The following SCYL1 variants were observed in gnomAD, a reference collection of about 807,000 sequenced individuals.
SCYL1 encodes the protein SCY1 like pseudokinase 1, also known as N-terminal kinase-like protein.
SCYL1 carries 85 observed loss-of-function variants against 94.8 expected under a neutral mutation model. The observed-to-expected ratio is 0.90, with a 90% CI of 0.75 to 1.07. The LOEUF is 1.07. Among genes scored for constraint, SCYL1 ranks in the 50% least tolerant of loss-of-function variants. SCYL1 has a pLI of 0.00. For missense variants in SCYL1, 968 were observed against 1,083.3 expected (o/e 0.89, Z 1.49); for synonymous variants, 459 against 435.5 (o/e 1.05, Z -0.67).
chr11:65,532,426 GAAAAAA>G (rs398016427), intron 8 of SCYL1, among the ~76,000 whole-genome samples: 5 of 104,202 alleles, frequency 4.8e-5, no homozygotes, highest in Non-Finnish European at 8.1e-5. Flanking sequence ...CTCTGTCTCA[GAAAAAA>G]AAAAAAAAAA....
intron 6 of SCYL1, among the ~76,000 whole-genome samples, chr11:65,529,640 G>A (rs1480326679): frequency 1.3e-5 from 2 of 152,214 alleles, no homozygotes; most frequent in Non-Finnish European, 2.9e-5. Context: ...GCCAAGCCGC[G>A]GCTATGGGGG....
rs761069441 is a variant in SCYL1, at chr11:65,536,315, G to A, written c.1632G>A (p.Pro544=). 2.4e-5 allele frequency: 38 copies of A among 1,613,968 alleles called. No individual in the cohort carries two copies. Among genetic ancestry groups the A allele is most frequent in the Admixed American group, 3.3e-5 (2 of 60,002 alleles). ...AATTGGAGTCTGTGTCGGAGGACCC[G>A]ACCCAGCTGGAGGAAGTGGGTGAGT... ...LSKLESVSED[P]TQLEEVEKDV... The change falls in exon 12 of 18, where the codon CCG becomes CCA. Residue 544 remains proline, a synonymous_variant. Coordinates refer to ENST00000270176, the MANE Select transcript of SCYL1 (RefSeq NM_020680.4).
intron 7 of SCYL1, among the ~76,000 whole-genome samples, chr11:65,531,313 A>C (rs902316238): frequency 1.7e-4 from 26 of 152,148 alleles, no homozygotes; most frequent in Non-Finnish European, 8.8e-5. Flanking sequence ...TGCAGGCAGA[A>C]TTTCTGCATA....
At position 65,535,936 on chromosome 11, in the gene SCYL1, T is replaced by C. The variant is rs1368108348; in HGVS notation, c.1387-17T>C. The C allele has an allele frequency of 6.4e-7, 1 of 1,557,060 alleles. No individual in the cohort carries two copies. Among genetic ancestry groups the C allele is most frequent in the Non-Finnish European group, 8.7e-7 (1 of 1,150,938 alleles). ...TTGACCCTACACTCAGGAGCCCTCT[T>C]TCCTGCCCCATCGTAGACCAGACAC... is the stretch of plus-strand genomic sequence containing the variant. On this transcript the variant is annotated splice_polypyrimidine_tract_variant and intron_variant, in intron 10 of 17. Transcript: ENST00000270176.
At chr11:65,533,673 G>A (rs1033077767) in intron 9 of SCYL1, among the ~76,000 whole-genome samples, 4 of 152,152 alleles carry the variant, frequency 2.6e-5, no homozygotes, top group South Asian at 2.1e-4. Context: ...CCAGCTACTC[G>A]GGAGGCTGAG....
chr11:65,534,795 C>G (rs1855559024), intron 9 of SCYL1, among the ~76,000 whole-genome samples: 1 of 152,098 alleles, frequency 6.6e-6, no homozygotes, highest in Non-Finnish European at 1.5e-5. Flanking sequence ...GGGGTGGTGT[C>G]CTGGAAGACC....
At chr11:65,536,179 G>A (rs1399567022) in intron 11 of SCYL1, 38 bp downstream of exon 11, 6 of 1,606,702 alleles carry the variant, frequency 3.7e-6, no homozygotes, top group Admixed American at 3.4e-5. Context: ...GGCTGGGGCT[G>A]TAGGGGATGT....
In SCYL1 at chr11:65,537,879, A is replaced by T. The variant is rs1018737160; in HGVS notation, c.2030A>T (p.Gln677Leu). The T allele has an allele frequency of 6.3e-7, 1 of 1,578,614 alleles. No individual in the cohort carries two copies. Among genetic ancestry groups the T allele is most frequent in the African/African-American group, 1.3e-5 (1 of 74,450 alleles). The change falls in exon 15 of 18, where the codon CAG (glutamine) becomes CTG (leucine). Residue 677 changes from glutamine to leucine, a missense_variant and splice_region_variant. Physicochemically the swap from Gln to Leu is moderately radical, Grantham distance 113. Transcript: ENST00000270176. ...STGGQVSRASQVSNSDHKSSK... is the reference protein window; with the variant it reads ...STGGQVSRASLVSNSDHKSSK... ...GGGGGCCAAGTGAGCCGTGCTAGTCAGGTGAGCTGGGTCTGGTGGGGAGGT... is the reference window on the plus strand; with the variant it reads ...GGGGGCCAAGTGAGCCGTGCTAGTCTGGTGAGCTGGGTCTGGTGGGGAGGT...
chr11:65,530,574 G>A (rs1855310959), intron 6 of SCYL1, 55 bp from the exon 7 acceptor site: 3 of 1,572,018 alleles, frequency 1.9e-6, no homozygotes, highest in Admixed American at 1.8e-5. Flanking sequence ...CCATGGCTGG[G>A]TTTGGGCTGC....
In SCYL1 at chr11:65,525,541, G is replaced by T. The variant is rs771956958; in HGVS notation, c.112-33G>T. Reference sequence around the variant, plus strand: ...TGTCTTCCGGCCACACAACAGCTCTGGGACCATCTCAGGCCCCGCTGCCCT... The same window carrying T: ...TGTCTTCCGGCCACACAACAGCTCTTGGACCATCTCAGGCCCCGCTGCCCT... On this transcript the variant is annotated intron_variant, in intron 1 of 17. Transcript: ENST00000270176. The T allele has an allele frequency of 1.9e-6, 3 of 1,605,450 alleles. No homozygotes were observed. In the South Asian group the frequency reaches 3.3e-5, roughly 18 times the overall value.
At position 65,538,262 on chromosome 11, in the gene SCYL1, C is replaced by G. The variant is rs1372039330; in HGVS notation, c.2248-8C>G. 1 of 1,553,660 alleles carries G rather than the reference C, an allele frequency of 6.4e-7. No individual in the cohort carries two copies. The highest frequency in any genetic ancestry group is 2.4e-5 in the East Asian group (1 of 41,058). On this transcript the variant is annotated splice_region_variant and splice_polypyrimidine_tract_variant and intron_variant, in intron 16 of 17. Transcript: ENST00000270176. ...GGGCCCCACTGCAGCCCACACTTCT[C>G]TTTACAGCCGAGGCCAGACTCTTGG...
chr11:65,527,644 A>G (rs1855151543), intron 6 of SCYL1, among the ~76,000 whole-genome samples: 1 of 151,010 alleles, frequency 6.6e-6, no homozygotes, highest in East Asian at 1.9e-4. Context: ...AGGTAGGAGA[A>G]TCACTTGAAC....
Position 65,526,200 on chromosome 11 carries a change from G to C in SCYL1, c.452G>C (p.Arg151Pro), listed in dbSNP as rs753631575. 5.0e-6 allele frequency: 8 copies of C among 1,613,356 alleles called. No individual in the cohort carries two copies. The highest frequency in any genetic ancestry group is 6.8e-6 in the Non-Finnish European group (8 of 1,180,000). ...TGCATGGCCGCCGTGTTCGTGGACC[G>C]AGCTGGCGAGTGGAAGCTTGGGGGC... is the stretch of plus-strand genomic sequence containing the variant. ...NVCMAAVFVD[R>P]AGEWKLGGLD... The change falls in exon 4 of 18, where the codon CGA (arginine) becomes CCA (proline). Residue 151 changes from arginine to proline, a missense_variant. By Grantham distance (103) the Arg-to-Pro change is moderately radical. Around this residue, in one of 2 missense-constraint regions of SCYL1, gnomAD observed 494 missense variants for 619.7 expected, o/e 0.80. Transcript: ENST00000270176. The surrounding 1 kb of genome is among the most constrained non-coding windows in gnomAD (Gnocchi z 4.1).
chr11:65,536,468 G>C, intron 12 of SCYL1, 118 bp from the exon 13 acceptor site: 1 of 1,423,984 alleles, frequency 7.0e-7, no homozygotes, highest in Admixed American at 1.9e-5. Context: ...TCACAGATGG[G>C]AGAAATCAGG....
Position 65,526,679 on chromosome 11 carries a change from C to A in SCYL1, c.603-104C>A. 3.6e-6 allele frequency: 4 copies of A among 1,102,030 alleles called. No individual in the cohort carries two copies. The highest frequency in any genetic ancestry group is 5.3e-6 in the Non-Finnish European group (4 of 757,918). 68.3% of individuals were successfully genotyped at this position (1,102,030 alleles called of 1,614,324 possible). A position where few individuals can be genotyped will look rare whatever the true frequency, so the allele number is the denominator to read the frequency against. ...TGGGACTGATGGCTCAGCTGAGGGA[C>A]ATAGCCAGGCCCTGGCATGCAGTGG... On this transcript the variant is annotated intron_variant, in intron 4 of 17. Coordinates refer to ENST00000270176, the MANE Select transcript of SCYL1 (RefSeq NM_020680.4). The surrounding 1 kb of genome is among the most constrained non-coding windows in gnomAD (Gnocchi z 4.1).
At chr11:65,536,495 G>A in intron 12 of SCYL1, 91 bp from the exon 13 acceptor site, 2 of 1,479,344 alleles carry the variant, frequency 1.4e-6, no homozygotes, top group Non-Finnish European at 9.3e-7. Flanking sequence ...GAAAGGAGGG[G>A]TGGCTGCAGG....
At chr11:65,534,157 G>A (rs183923231) in intron 9 of SCYL1, among the ~76,000 whole-genome samples, 173 of 152,090 alleles carry the variant, frequency 1.1e-3, no homozygotes, top group Admixed American at 2.9e-3. Context: ...TGTGAACCTC[G>A]GAGATGGAGC....
At chr11:65,528,996 A>G (rs1307393520) in intron 6 of SCYL1, among the ~76,000 whole-genome samples, 1 of 152,176 alleles carries the variant, frequency 6.6e-6, no homozygotes, top group African/African-American at 2.4e-5. Context: ...GTGTATAGTG[A>G]GGAGCATCTG....
At position 65,526,118 on chromosome 11, in the gene SCYL1, C is replaced by A. The variant is rs1447426418; in HGVS notation, c.376-6C>A. 1 of 1,612,618 alleles carries A rather than the reference C, an allele frequency of 6.2e-7. No individual in the cohort carries two copies. The highest frequency in any genetic ancestry group is 1.3e-5 in the African/African-American group (1 of 74,894). On this transcript the variant is annotated splice_polypyrimidine_tract_variant and splice_region_variant and intron_variant, in intron 3 of 17. Coordinates refer to ENST00000270176, the MANE Select transcript of SCYL1 (RefSeq NM_020680.4). The surrounding 1 kb of genome is among the most constrained non-coding windows in gnomAD (Gnocchi z 4.1). The stretch of plus-strand genomic sequence containing the variant: ...GCTGGGGCGTGATGGCTCCTTTTGC[C>A]CCCAGAAAGCCCTCAGCTTCCTGGT...
Sources: gnomAD v4.1 joint callset for allele counts (sites outside exome capture counted in the v4.1 genomes callset) on GRCh38, gnomAD v4.1.1 for gene constraint, gnomAD v4.1.1 regional missense constraint, Gnocchi (gnomAD v3.1) non-coding constraint, MANE v1.5 for transcripts, NCBI Gene and HGNC (gene_info 2026-07-23, HGNC 2026-07-21) for gene names.